DOCK9: variants seen among roughly 807,000 people sequenced by gnomAD.
DOCK9 encodes dedicator of cytokinesis 9.
Under a neutral mutation model 263.3 loss-of-function variants are expected in DOCK9, and 89 were observed. That is an observed-to-expected ratio of 0.34 (90% CI 0.28 to 0.40). DOCK9 has a LOEUF of 0.40. Among genes scored for constraint, DOCK9 ranks in the 10% least tolerant of loss-of-function variants. DOCK9 has a pLI of 1.00. For synonymous variants in DOCK9, 976 were observed against 973.1 expected, an observed-to-expected ratio of 1.00 and a Z score of -0.06; for missense variants, 2,140 against 2,603.4, an observed-to-expected ratio of 0.82 and a Z score of 3.87.
intron 35 of DOCK9, among the ~76,000 whole-genome samples, chr13:98,852,080 TATAGGTC>T (rs1259835740): frequency 6.6e-6 from 1 of 152,226 alleles, no homozygotes; most frequent in Non-Finnish European, 1.5e-5. Flanking sequence ...ATGTTCTTAT[TATAGGTC>T]ATATTCAATA....
intron 15 of DOCK9, 123 bp from the exon 16 acceptor site, chr13:98,888,834 G>C (rs2046198095): frequency 7.6e-6 from 6 of 792,300 alleles, no homozygotes. Flanking sequence ...CATTCTAGTA[G>C]CCTCATGAAA....
At chr13:98,976,282 C>G (rs774185014) in intron 1 of DOCK9, among the ~76,000 whole-genome samples, 16 of 152,092 alleles carry the variant, frequency 1.1e-4, no homozygotes, top group Non-Finnish European at 1.9e-4. Context: ...GAAAAAGACC[C>G]CCAGAGGAAC....
intron 1 of DOCK9, among the ~76,000 whole-genome samples, chr13:98,989,194 CA>C (rs1295859371): frequency 5.9e-5 from 9 of 152,022 alleles, no homozygotes; most frequent in East Asian, 1.9e-4. Flanking sequence ...TATTCCATCC[CA>C]AAGAATATTT....
At chr13:99,061,875 T>G (rs1045896996) in intron 1 of DOCK9, among the ~76,000 whole-genome samples, 1 of 141,888 alleles carries the variant, frequency 7.0e-6, no homozygotes, top group Non-Finnish European at 1.6e-5. Flanking sequence ...TTGTTTTTGG[T>G]TTTGTTTTTT....
chr13:99,015,818 G>C, intron 1 of DOCK9: 2 of 1,262,398 alleles, frequency 1.6e-6, no homozygotes, highest in East Asian at 6.2e-5. Flanking sequence ...TGTAAAACAG[G>C]AGGGGTGGTG....
chr13:98,890,010 C>T (rs1007092508), intron 15 of DOCK9, among the ~76,000 whole-genome samples: 1 of 151,988 alleles, frequency 6.6e-6, no homozygotes, highest in Non-Finnish European at 1.5e-5. Context: ...ATTTCTTTGT[C>T]CTTTATTTAT....
chr13:98,895,736 T>C (rs1006895351), intron 15 of DOCK9, among the ~76,000 whole-genome samples: 1 of 152,178 alleles, frequency 6.6e-6, no homozygotes, highest in Non-Finnish European at 1.5e-5. Context: ...TTTTCATCCT[T>C]TTATTCTTCT....
At chr13:98,899,912 G>A (rs145720533) in intron 13 of DOCK9, among the ~76,000 whole-genome samples, 76 of 152,072 alleles carry the variant, frequency 5.0e-4, no homozygotes, top group African/African-American at 1.7e-3. Flanking sequence ...ATTCACAGGA[G>A]ATACCTACAG....
rs527855844 is a variant in DOCK9 at position 99,049,137 on chromosome 13, T to G, written c.129+37086A>C. Among the ~76,000 whole-genome samples the G allele has an allele frequency of 3.3e-5, 5 of 152,312 alleles. No homozygotes were observed. The South Asian group carries it at 8.3e-4, about 25-fold the overall frequency. On this transcript the variant is annotated intron_variant, in intron 1 of 32. Transcript: ENST00000427887. ...TCATCAATGACTACCCTTACTCAAT[T>G]CTCTCATTACTCAAGAATTTTGGAG...
At chr13:98,923,147 C>T (rs1349907469) in intron 5 of DOCK9, among the ~76,000 whole-genome samples, 155 bp downstream of exon 5, 3 of 152,168 alleles carry the variant, frequency 2.0e-5, no homozygotes, top group African/African-American at 4.8e-5. Context: ...TCCAATCAAT[C>T]AATAACATTT....
chr13:98,858,629 A>G (rs2093765934), intron 33 of DOCK9: 1 of 152,258 alleles, frequency 6.6e-6, no homozygotes, highest in African/African-American at 2.4e-5. Context: ...TAAATCTTCA[A>G]GAAAGGAGGC....
intron 4 of DOCK9, among the ~76,000 whole-genome samples, chr13:98,924,566 T>A (rs769214429): frequency 6.6e-6 from 1 of 152,214 alleles, no homozygotes; most frequent in Non-Finnish European, 1.5e-5. Context: ...CGTTGTTGCA[T>A]AATTGGGCCT....
intron 1 of DOCK9, among the ~76,000 whole-genome samples, chr13:99,028,937 C>T (rs1887057100): frequency 6.6e-6 from 1 of 152,232 alleles, no homozygotes; most frequent in Non-Finnish European, 1.5e-5. Context: ...GGTATTCTCT[C>T]CCAGCTCCAA....
intron 47 of DOCK9, among the ~76,000 whole-genome samples, chr13:98,808,241 G>A (rs1386549450): frequency 6.6e-6 from 1 of 152,106 alleles, no homozygotes; most frequent in Non-Finnish European, 1.5e-5. Context: ...GAAGCGTTTG[G>A]GGGTCTGGAG....
chr13:98,930,038 A>T, intron 3 of DOCK9, 130 bp downstream of exon 3: 1 of 809,736 alleles, frequency 1.2e-6, no homozygotes, highest in South Asian at 1.7e-5. Flanking sequence ...ACATTATTCT[A>T]TTTGAACTTC....
chr13:98,997,372 T>C (rs1241198597), intron 1 of DOCK9, among the ~76,000 whole-genome samples: 2 of 152,202 alleles, frequency 1.3e-5, no homozygotes, highest in Non-Finnish European at 2.9e-5. Context: ...TCAGCTCAAA[T>C]TTCTAACTAA....
chr13:98,893,612 G>A (rs1460068199), intron 15 of DOCK9, among the ~76,000 whole-genome samples: 4 of 152,264 alleles, frequency 2.6e-5, no homozygotes, highest in East Asian at 1.9e-4. Flanking sequence ...CTGAGACAGC[G>A]TGAAGAAATT....
At chr13:98,971,819 A>G (rs1476542894) in intron 1 of DOCK9, among the ~76,000 whole-genome samples, 1 of 152,214 alleles carries the variant, frequency 6.6e-6, no homozygotes, top group Non-Finnish European at 1.5e-5. Context: ...AACACCCAAG[A>G]TAAGAGTGAC....
At chr13:98,942,363 C>T (rs899551123) in intron 2 of DOCK9, among the ~76,000 whole-genome samples, 2 of 151,778 alleles carry the variant, frequency 1.3e-5, no homozygotes, top group Non-Finnish European at 2.9e-5. Flanking sequence ...CTCAGCCTCC[C>T]GAGTAGCTGG....
Sources: allele counts gnomAD v4.1 joint callset (sites outside exome capture counted in the v4.1 genomes callset), GRCh38; gene constraint gnomAD v4.1.1; transcripts MANE v1.5; gene names NCBI Gene and HGNC (gene_info 2026-07-23, HGNC 2026-07-21).